Variants in FBXO33 observed in about 807,000 individuals in gnomAD.
FBXO33 encodes the protein F-box only protein 33.
Under a neutral mutation model 46.3 loss-of-function variants are expected in FBXO33, and 22 were observed. That is an observed-to-expected ratio of 0.48 (90% CI 0.34 to 0.68). The LOEUF is 0.68. Among genes scored for constraint, FBXO33 ranks in the 30% least tolerant of loss-of-function variants. The pLI, the probability that FBXO33 is intolerant of heterozygous loss-of-function variation, is 0.01. For synonymous variants in FBXO33, 337 were observed against 291.3 expected, an observed-to-expected ratio of 1.16 and a Z score of -1.60; for missense variants, 692 against 708.8, an observed-to-expected ratio of 0.98 and a Z score of 0.27.
At chr14:39,422,805 T>A (rs182266385) in intron 1 of FBXO33, among the ~76,000 whole-genome samples, 1 of 152,348 alleles carries the variant, frequency 6.6e-6, no homozygotes, top group African/African-American at 2.4e-5. Flanking sequence ...TGGAATTTTT[T>A]AAAATTAAGA....
At chr14:39,412,071 T>C (rs1192153903) in intron 1 of FBXO33, among the ~76,000 whole-genome samples, 1 of 152,220 alleles carries the variant, frequency 6.6e-6, no homozygotes, top group Non-Finnish European at 1.5e-5. Flanking sequence ...GTCTGTTAGG[T>C]CCATTTGGCC....
At position 39,399,499 on chromosome 14, in the gene FBXO33, T is replaced by A. The variant is rs761649447; in HGVS notation, c.*17A>T. The stretch of plus-strand genomic sequence containing the variant: ...TACTTGCATATGTAACCACAGGAAT[T>A]CTACATTAAAAAAAAGCTAAATGTC... On this transcript the variant is annotated 3_prime_UTR_variant, in exon 4 of 4. Coordinates refer to ENST00000298097, the MANE Select transcript of FBXO33 (RefSeq NM_203301.4). The A allele has an allele frequency of 6.3e-7, 1 of 1,597,156 alleles. No individual in the cohort carries two copies. Among genetic ancestry groups the A allele is most frequent in the Admixed American group, 1.7e-5 (1 of 57,724 alleles).
intron 2 of FBXO33, 63 bp downstream of exon 2, chr14:39,402,338 A>G (rs2075372562): frequency 2.1e-6 from 2 of 931,364 alleles, no homozygotes; most frequent in Non-Finnish European, 3.1e-6. Flanking sequence ...TGTATCTCAT[A>G]ATTTCTTAGG....
In FBXO33 at chr14:39,431,555, C is replaced by T. The variant is rs1305289002; in HGVS notation, c.599+9G>A. ...TTACCGGGCGGGGCGGGGCTCAGGGCAAGCCTACCTGTTGTTCCGGATGCT... is the reference window on the plus strand; with the variant it reads ...TTACCGGGCGGGGCGGGGCTCAGGGTAAGCCTACCTGTTGTTCCGGATGCT... On this transcript the variant is annotated intron_variant, in intron 1 of 3. Coordinates refer to ENST00000298097, the MANE Select transcript of FBXO33 (RefSeq NM_203301.4). 4 of 1,610,242 alleles carry T rather than the reference C, an allele frequency of 2.5e-6. No homozygotes were observed. The South Asian group carries it at 3.3e-5, about 13-fold the overall frequency.
At chr14:39,412,960 A>T (rs931186682) in intron 1 of FBXO33, among the ~76,000 whole-genome samples, 3 of 152,264 alleles carry the variant, frequency 2.0e-5, no homozygotes, top group Non-Finnish European at 4.4e-5. Flanking sequence ...TTGTCCCAAT[A>T]TCGGATGGCT....
At chr14:39,416,647 C>T (rs2075450124) in intron 1 of FBXO33, among the ~76,000 whole-genome samples, 1 of 152,032 alleles carries the variant, frequency 6.6e-6, no homozygotes, top group African/African-American at 2.4e-5. Context: ...TTTTTCGGTT[C>T]AGTTACTGTA....
intron 1 of FBXO33, among the ~76,000 whole-genome samples, chr14:39,425,223 AGGCCTGATGACCTTGTTCT>A (rs1486459592): frequency 3.3e-5 from 5 of 152,192 alleles, no homozygotes; most frequent in Non-Finnish European, 7.3e-5. Context: ...TTGAGATTTC[AGGCCTGATGACCTTGTTCT>A]CTCTTCTGTG....
intron 1 of FBXO33, among the ~76,000 whole-genome samples, chr14:39,415,486 T>G (rs1432012985): frequency 6.6e-6 from 1 of 152,232 alleles, no homozygotes. Context: ...GGTATGCCTG[T>G]ATGTGTTTTT....
At chr14:39,429,422 T>G (rs2075532205) in intron 1 of FBXO33, among the ~76,000 whole-genome samples, 1 of 152,206 alleles carries the variant, frequency 6.6e-6, no homozygotes, top group South Asian at 2.1e-4. Flanking sequence ...TAGAAAGAAA[T>G]AATAGGCTTT....
At chr14:39,402,288 C>T in intron 2 of FBXO33, 113 bp downstream of exon 2, 1 of 492,992 alleles carries the variant, frequency 2.0e-6, no homozygotes, top group Non-Finnish European at 3.4e-6. Context: ...ATTTCCAGGA[C>T]CTATGTTCCT....
intron 1 of FBXO33, among the ~76,000 whole-genome samples, chr14:39,408,783 AT>A (rs551748757): frequency 6.7e-6 from 1 of 150,322 alleles, no homozygotes; most frequent in East Asian, 2.0e-4. Context: ...TTTATCTCAC[AT>A]TTTTTTTCTT....
intron 1 of FBXO33, among the ~76,000 whole-genome samples, chr14:39,430,554 G>C (rs1000435673): frequency 1.3e-5 from 2 of 152,122 alleles, no homozygotes; most frequent in Non-Finnish European, 2.9e-5. Flanking sequence ...TTTCCTTTCT[G>C]TAAAACAGGG....
intron 1 of FBXO33, among the ~76,000 whole-genome samples, chr14:39,409,718 T>C (rs2075414026): frequency 1.3e-5 from 2 of 152,216 alleles, no homozygotes; most frequent in South Asian, 2.1e-4. Context: ...CATGAGATGT[T>C]TTTCCATTTA....
At chr14:39,413,373 T>G (rs1393723314) in intron 1 of FBXO33, among the ~76,000 whole-genome samples, 1 of 152,204 alleles carries the variant, frequency 6.6e-6, no homozygotes. Flanking sequence ...CTAGTTCTCT[T>G]GCAATTTTCA....
chr14:39,410,794 T>C (rs2139408069), intron 1 of FBXO33, among the ~76,000 whole-genome samples: 1 of 152,316 alleles, frequency 6.6e-6, no homozygotes, highest in East Asian at 1.9e-4. Flanking sequence ...TTCTTCTAGA[T>C]TATTCAATTT....
At chr14:39,421,390 A>G (rs1435292336) in intron 1 of FBXO33, among the ~76,000 whole-genome samples, 1 of 151,936 alleles carries the variant, frequency 6.6e-6, no homozygotes, top group Non-Finnish European at 1.5e-5. Flanking sequence ...AGGTGATTAG[A>G]CCACTGATTT....
In FBXO33 at chr14:39,401,798, C is replaced by A. The variant is rs770466131; in HGVS notation, c.774G>T (p.Gly258=). ...TTGGGGTTACTATTTCCAGCATAAA[C>A]CCACAGGACAGCCATTTCAGTTGCC... ...NSRQLKWLSC[G]FMLEIVTPTS... The change falls in exon 3 of 4, where the codon GGG becomes GGT. Residue 258 remains glycine (G), a synonymous_variant. Transcript: ENST00000298097. 6.2e-7 allele frequency: 1 copy of A among 1,614,158 alleles called. No homozygotes were observed. The highest frequency in any genetic ancestry group is 8.5e-7 in the Non-Finnish European group (1 of 1,180,016).
At chr14:39,423,191 T>C (rs2075493792) in intron 1 of FBXO33, among the ~76,000 whole-genome samples, 1 of 152,156 alleles carries the variant, frequency 6.6e-6, no homozygotes, top group Non-Finnish European at 1.5e-5. Flanking sequence ...AAAGGACTCA[T>C]TTAGGACATA....
At chr14:39,412,400 A>T (rs1007388945) in intron 1 of FBXO33, among the ~76,000 whole-genome samples, 3 of 152,134 alleles carry the variant, frequency 2.0e-5, no homozygotes, top group Non-Finnish European at 4.4e-5. Context: ...ATTTGCATGG[A>T]GTATCTTTTC....
Sources: gnomAD v4.1 joint callset for allele counts (sites outside exome capture counted in the v4.1 genomes callset) on GRCh38, gnomAD v4.1.1 for gene constraint, MANE v1.5 for transcripts, NCBI Gene and HGNC (gene_info 2026-07-23, HGNC 2026-07-21) for gene names.